GALNT14: variants seen among roughly 807,000 people sequenced by gnomAD.
The protein encoded by GALNT14 is UDP-GalNAc:polypeptide N-acetylgalactosaminyltransferase 14.
Under a neutral mutation model 77.5 loss-of-function variants are expected in GALNT14, and 60 were observed. The observed-to-expected ratio is 0.77, with a 90% CI of 0.63 to 0.96. GALNT14 has a LOEUF of 0.96. GALNT14 is among the 40% of genes least tolerant of loss of function. The pLI is 0.00. For missense variants in GALNT14, 710 were observed against 731.0 expected (o/e 0.97, Z 0.33); for synonymous variants, 280 against 281.7 (o/e 0.99, Z 0.06).
rs1491282655 is a variant in GALNT14, at chr2:31,038,085, T to TATATA, written c.130-45079_130-45078insTATAT. Among the ~76,000 whole-genome samples, 48 of 38,916 alleles carry TATATA rather than the reference T, an allele frequency of 1.2e-3. No homozygotes were observed. In the East Asian group the frequency reaches 0.019, roughly 16 times the overall value. 25.5% of individuals were successfully genotyped at this position (38,916 alleles called of 152,430 possible). On this transcript the variant is annotated intron_variant, in intron 1 of 14. Transcript: ENST00000349752. ...TTTGCCATATATATATATATATATA[T>TATATA]TTTTTTTTTTTTTTTTTTTTTTTTT...
chr2:30,948,086 C>A (rs1015214667), intron 6 of GALNT14, among the ~76,000 whole-genome samples: 36 of 152,184 alleles, frequency 2.4e-4, no homozygotes, highest in Non-Finnish European at 5.9e-5. Flanking sequence ...ACACAAACAC[C>A]ACCATCCACA....
At chr2:31,062,857 CT>C (rs1333931367) in intron 1 of GALNT14, among the ~76,000 whole-genome samples, 1 of 152,068 alleles carries the variant, frequency 6.6e-6, no homozygotes, top group Non-Finnish European at 1.5e-5. Context: ...ACATAAATGT[CT>C]TTTGCTGAGA....
intron 1 of GALNT14, among the ~76,000 whole-genome samples, chr2:31,121,048 G>T (rs1678387680): frequency 1.3e-5 from 2 of 152,194 alleles, no homozygotes; most frequent in Non-Finnish European, 2.9e-5. Context: ...ACACAAGAAA[G>T]AATTCTTCCA....
intron 1 of GALNT14, among the ~76,000 whole-genome samples, chr2:31,079,641 G>A (rs149434611): frequency 3.7e-4 from 56 of 152,240 alleles, no homozygotes; most frequent in Non-Finnish European, 5.7e-4. Flanking sequence ...AAAACCCTAC[G>A]TCTCATGTGT....
intron 2 of GALNT14, among the ~76,000 whole-genome samples, chr2:30,975,759 G>A (rs549078591): frequency 2.0e-5 from 3 of 152,122 alleles, no homozygotes; most frequent in Middle Eastern, 3.4e-3. Flanking sequence ...TGGTTTTCTG[G>A]TATGAGTAAA....
At chr2:30,941,809 C>T (rs971262683) in intron 9 of GALNT14, among the ~76,000 whole-genome samples, 1 of 152,196 alleles carries the variant, frequency 6.6e-6, no homozygotes, top group African/African-American at 2.4e-5. Flanking sequence ...TCTTTCTCTT[C>T]AAGCTCCTTC....
At position 30,966,319 on chromosome 2, in the gene GALNT14, A is replaced by AC; in HGVS notation, c.300-18dup. The AC allele has an allele frequency of 6.3e-7, 1 of 1,586,918 alleles. No individual in the cohort carries two copies. Among genetic ancestry groups the AC allele is most frequent in the South Asian group, 1.1e-5 (1 of 90,472 alleles). ...AGTGTGCATCTGGGGAAGGAAAGGC[A>AC]CAGGGCAAGTGAGACCTTCAGGGAC... On this transcript the variant is annotated splice_polypyrimidine_tract_variant and intron_variant, in intron 2 of 14. Transcript: ENST00000349752.
chr2:30,999,126 G>A (rs899542849), intron 1 of GALNT14, among the ~76,000 whole-genome samples: 7 of 152,302 alleles, frequency 4.6e-5, no homozygotes, highest in African/African-American at 7.2e-5. Context: ...AGAAAACAGC[G>A]ATGTAAATTC....
intron 1 of GALNT14, among the ~76,000 whole-genome samples, chr2:30,995,853 T>C (rs750087421): frequency 1.3e-5 from 2 of 152,116 alleles, no homozygotes; most frequent in East Asian, 1.9e-4. Context: ...CAGAAAAATA[T>C]GTATTATAAA....
At chr2:31,135,606 G>A (rs1203167927) in intron 1 of GALNT14, among the ~76,000 whole-genome samples, 1 of 152,124 alleles carries the variant, frequency 6.6e-6, no homozygotes, top group Admixed American at 6.6e-5. Flanking sequence ...TACAGAAAAT[G>A]AGGAAAAGAA....
At chr2:31,015,806 G>A (rs909179994) in intron 1 of GALNT14, among the ~76,000 whole-genome samples, 1 of 152,236 alleles carries the variant, frequency 6.6e-6, no homozygotes, top group Non-Finnish European at 1.5e-5. Context: ...TCTTCAGCGT[G>A]TCAAGGTCAC....
intron 1 of GALNT14, among the ~76,000 whole-genome samples, chr2:31,009,498 C>T (rs1670887646): frequency 6.6e-6 from 1 of 152,200 alleles, no homozygotes; most frequent in African/African-American, 2.4e-5. Flanking sequence ...CAGGTGACTT[C>T]CTCCATTCCT....
At chr2:30,943,120 C>G (rs1214089242) in intron 8 of GALNT14, among the ~76,000 whole-genome samples, 1 of 152,194 alleles carries the variant, frequency 6.6e-6, no homozygotes, top group Non-Finnish European at 1.5e-5. Context: ...GACCTCTCCT[C>G]CAGAACTGCG....
chr2:30,955,968 C>T lies in GALNT14; in HGVS notation c.476G>A (p.Cys159Tyr). ...CTTGGGCAACTTGATGAGCTGTTTA[C>T]AGTCATCAGCTGCAAAGACAAAAGG... is the stretch of plus-strand genomic sequence containing the variant. ...VDDFSNDPDD[C>Y]KQLIKLPKVK... is the part of the protein sequence containing the mutation. Residue 159 changes from cysteine to tyrosine, a missense_variant, in exon 5 of 15, where the codon TGT (cysteine) becomes TAT (tyrosine). Cys to Tyr is a radical substitution (Grantham distance 194, BLOSUM62 -2). Transcript: ENST00000349752. The T allele has an allele frequency of 6.2e-7, 1 of 1,614,188 alleles. No individual in the cohort carries two copies. The highest frequency in any genetic ancestry group is 8.5e-7 in the Non-Finnish European group (1 of 1,180,030).
At chr2:31,078,127 G>T (rs1373983870) in intron 1 of GALNT14, among the ~76,000 whole-genome samples, 1 of 152,254 alleles carries the variant, frequency 6.6e-6, no homozygotes, top group Non-Finnish European at 1.5e-5. Flanking sequence ...CTCCAGTGGA[G>T]ACAGTGCAGG....
chr2:31,028,992 C>T (rs1672243245), intron 1 of GALNT14, among the ~76,000 whole-genome samples: 1 of 152,136 alleles, frequency 6.6e-6, no homozygotes, highest in Non-Finnish European at 1.5e-5. Context: ...CATTTATTAG[C>T]AGTTCTCAGG....
At chr2:31,049,127 T>C (rs1490304828) in intron 1 of GALNT14, among the ~76,000 whole-genome samples, 1 of 152,202 alleles carries the variant, frequency 6.6e-6, no homozygotes, top group East Asian at 1.9e-4. Flanking sequence ...CCTAACACCT[T>C]GACCCACTTG....
rs184620383 is a variant in GALNT14, at chr2:31,077,579, T to C, written c.129+60379A>G. Among the ~76,000 whole-genome samples, 371 of 152,330 alleles carry C rather than the reference T, an allele frequency of 2.4e-3. 3 individuals carry two copies. Among genetic ancestry groups the C allele is most frequent in the African/African-American group, 8.6e-3 (359 of 41,590 alleles). On this transcript the variant is annotated intron_variant, in intron 1 of 14. Coordinates refer to ENST00000349752, the MANE Select transcript of GALNT14 (RefSeq NM_024572.4). ...CTATGAGCCCCTTTATCAGGGCAAATGAAAGCTTAGGTTGCAAAATGAAAT... is the reference window on the plus strand; with the variant it reads ...CTATGAGCCCCTTTATCAGGGCAAACGAAAGCTTAGGTTGCAAAATGAAAT...
chr2:31,002,911 T>C (rs1352537881), intron 1 of GALNT14, among the ~76,000 whole-genome samples: 2 of 152,238 alleles, frequency 1.3e-5, no homozygotes, highest in Non-Finnish European at 2.9e-5. Context: ...ACATCAATTA[T>C]GGATTATTAG....
Sources: allele counts gnomAD v4.1 joint callset (sites outside exome capture counted in the v4.1 genomes callset), GRCh38; gene constraint gnomAD v4.1.1; transcripts MANE v1.5; gene names NCBI Gene and HGNC (gene_info 2026-07-23, HGNC 2026-07-21).